Variants in PTPRG observed in about 807,000 individuals in gnomAD.
PTPRG encodes receptor-type tyrosine-protein phosphatase gamma.
In PTPRG, 102 loss-of-function variants were observed where a neutral mutation model predicts 165.3. The observed-to-expected ratio is 0.62, with a 90% CI of 0.53 to 0.73. The LOEUF (loss-of-function observed/expected upper bound fraction) is 0.73. Ranked by LOEUF, PTPRG falls within the 30% of genes least tolerant of loss-of-function variation. PTPRG has a pLI of 0.00. For synonymous variants in PTPRG, 675 were observed against 669.5 expected (o/e 1.01, Z -0.13); for missense variants, 1,866 against 1,861.4 (o/e 1.00, Z -0.05).
At chr3:62,259,404 T>C (rs542791548) in intron 16 of PTPRG, among the ~76,000 whole-genome samples, 26 of 151,922 alleles carry the variant, frequency 1.7e-4, no homozygotes, top group African/African-American at 5.8e-4. Context: ...AGCTAAAAAA[T>C]TGCAGGGAAA....
In PTPRG at chr3:62,252,956, A is replaced by G. The variant is rs1300187169; in HGVS notation, c.2468-2168A>G. On this transcript the variant is annotated intron_variant, in intron 15 of 29. Transcript: ENST00000474889. The surrounding 1 kb of genome is among the most constrained non-coding windows in gnomAD (Gnocchi z 4.6). The stretch of plus-strand genomic sequence containing the variant: ...GATAAAGATGCAAATTGGAGAGACT[A>G]GTGAGTCATATATTTCCATGATTAT... Among the ~76,000 whole-genome samples, 1 of 152,196 alleles carries G rather than the reference A, an allele frequency of 6.6e-6. No homozygotes were observed. Among genetic ancestry groups the G allele is most frequent in the Non-Finnish European group, 1.5e-5 (1 of 68,030 alleles).
Position 61,652,557 on chromosome 3 carries a change from C to G in PTPRG, c.85+90185C>G, listed in dbSNP as rs191056817. Among the ~76,000 whole-genome samples the G allele has an allele frequency of 9.0e-4, 137 of 152,112 alleles. 2 individuals carry two copies. In the East Asian group the frequency reaches 0.022, roughly 25 times the overall value. The stretch of plus-strand genomic sequence containing the variant: ...TCAGTGGAGCAAATGTTCCCCTTCT[C>G]TGCCCTTCTAGAACCTTGTTCCTCT... On this transcript the variant is annotated intron_variant, in intron 1 of 29. Coordinates refer to ENST00000474889, the MANE Select transcript of PTPRG (RefSeq NM_002841.4).
intron 2 of PTPRG, among the ~76,000 whole-genome samples, chr3:61,928,911 C>G (rs1444467010): frequency 6.6e-6 from 1 of 152,150 alleles, no homozygotes; most frequent in African/African-American, 2.4e-5. Flanking sequence ...TCCCCTACTC[C>G]TGGGGACATT....
intron 15 of PTPRG, among the ~76,000 whole-genome samples, chr3:62,248,572 A>G (rs1701342071): frequency 6.6e-6 from 1 of 152,166 alleles, no homozygotes; most frequent in Non-Finnish European, 1.5e-5. Context: ...TCTTTTGAAA[A>G]AACAAACTTG....
At chr3:61,842,322 A>G (rs2036660990) in intron 2 of PTPRG, among the ~76,000 whole-genome samples, 2 of 152,198 alleles carry the variant, frequency 1.3e-5, no homozygotes, top group African/African-American at 4.8e-5. Context: ...CAACACATAC[A>G]TGCACACTAC....
At chr3:61,657,969 C>T (rs1702553742) in intron 1 of PTPRG, among the ~76,000 whole-genome samples, 1 of 152,002 alleles carries the variant, frequency 6.6e-6, no homozygotes, top group African/African-American at 2.4e-5. Context: ...CATGAGTGTG[C>T]ATGTGGACAG....
intron 28 of PTPRG, among the ~76,000 whole-genome samples, chr3:62,285,536 G>GGGC (rs1702616661): frequency 1.6e-5 from 2 of 123,066 alleles, no homozygotes; most frequent in Admixed American, 8.5e-5. Flanking sequence ...GGGGGGGGGG[G>GGGC]TCTCAGGTGT....
At position 62,277,029 on chromosome 3, in the gene PTPRG, T is replaced by C. The variant is rs867091015; in HGVS notation, c.3617T>C (p.Ile1206Thr). The C allele has an allele frequency of 1.2e-6, 2 of 1,612,420 alleles. No homozygotes were observed. The highest frequency in any genetic ancestry group is 1.7e-6 in the Non-Finnish European group (2 of 1,178,864). ...CCTGGAATGAAAGGAACAGATTACA[T>C]TAATGCTTCTTATATCATGGTGAGA... is the stretch of plus-strand genomic sequence containing the variant. ...PLPGMKGTDY[I>T]NASYIMGYYR... is the part of the protein sequence containing the mutation. Residue 1206 changes from isoleucine to threonine, a missense_variant, in exon 25 of 30, where the codon ATT becomes ACT. Coordinates refer to ENST00000474889, the MANE Select transcript of PTPRG (RefSeq NM_002841.4).
At chr3:61,701,131 C>T (rs1349576515) in intron 1 of PTPRG, among the ~76,000 whole-genome samples, 1 of 152,158 alleles carries the variant, frequency 6.6e-6, no homozygotes, top group African/African-American at 2.4e-5. Context: ...CATATTTCTT[C>T]TTGTGTTTTC....
chr3:62,063,289 CT>C (rs1700881478), intron 4 of PTPRG, among the ~76,000 whole-genome samples: 1 of 152,204 alleles, frequency 6.6e-6, no homozygotes, highest in East Asian at 1.9e-4. Flanking sequence ...GGATTTTGAA[CT>C]ATGATCAAAG....
intron 7 of PTPRG, among the ~76,000 whole-genome samples, chr3:62,162,851 T>C (rs1218044314): frequency 6.6e-6 from 1 of 152,232 alleles, no homozygotes; most frequent in Non-Finnish European, 1.5e-5. Flanking sequence ...CCTGCTATTC[T>C]AAGCCTCACT....
chr3:61,925,390 T>C (rs2039182410), intron 2 of PTPRG, among the ~76,000 whole-genome samples: 1 of 152,176 alleles, frequency 6.6e-6, no homozygotes, highest in Non-Finnish European at 1.5e-5. Context: ...AAGCAGGAGC[T>C]GAGGGAAAAT....
intron 5 of PTPRG, among the ~76,000 whole-genome samples, chr3:62,120,605 GC>G (rs1162129617): frequency 2.0e-5 from 3 of 151,956 alleles, no homozygotes; most frequent in African/African-American, 7.3e-5. Flanking sequence ...ACAAAAATTA[GC>G]CAAGAATGGT....
rs140305272 is a variant in PTPRG at position 61,817,527 on chromosome 3, A to T, written c.190+68545A>T. Among the ~76,000 whole-genome samples the T allele has an allele frequency of 3.3e-5, 5 of 152,280 alleles. No individual in the cohort carries two copies. In the East Asian group the frequency reaches 9.6e-4, roughly 29 times the overall value. ...AATTCTTCCATGGAAAAATAAAGCA[A>T]CTAGGAAAGCTAAACTATAAACTCA... On this transcript the variant is annotated intron_variant, in intron 2 of 29. Coordinates refer to ENST00000474889, the MANE Select transcript of PTPRG (RefSeq NM_002841.4).
At chr3:61,597,947 T>C (rs1267870379) in intron 1 of PTPRG, among the ~76,000 whole-genome samples, 2 of 152,218 alleles carry the variant, frequency 1.3e-5, no homozygotes, top group African/African-American at 4.8e-5. Context: ...AAGGGTACAG[T>C]AGTTGCCACA....
chr3:62,168,777 C>T (rs1705097577), intron 8 of PTPRG, among the ~76,000 whole-genome samples: 1 of 152,180 alleles, frequency 6.6e-6, no homozygotes, highest in Non-Finnish European at 1.5e-5. Flanking sequence ...CGTCTGTGGA[C>T]AGCTTAAGTG....
chr3:62,108,564 A>G (rs574705725), intron 5 of PTPRG, among the ~76,000 whole-genome samples: 1 of 152,302 alleles, frequency 6.6e-6, no homozygotes, highest in East Asian at 1.9e-4. Flanking sequence ...ATGCCCAGTA[A>G]TGGGATTGCT....
intron 2 of PTPRG, among the ~76,000 whole-genome samples, chr3:61,903,920 A>G (rs1389673411): frequency 6.6e-6 from 1 of 152,086 alleles, no homozygotes; most frequent in Non-Finnish European, 1.5e-5. Context: ...TTTCCTTTTT[A>G]CATATGTCTG....
chr3:62,046,644 C>T (rs370424615), intron 4 of PTPRG, among the ~76,000 whole-genome samples: 1 of 152,132 alleles, frequency 6.6e-6, no homozygotes, highest in Non-Finnish European at 1.5e-5. Flanking sequence ...CTTACTGTCT[C>T]TCATCATTAG....
Sources: allele counts gnomAD v4.1 joint callset (sites outside exome capture counted in the v4.1 genomes callset), GRCh38; gene constraint gnomAD v4.1.1; non-coding constraint Gnocchi (gnomAD v3.1); transcripts MANE v1.5; gene names NCBI Gene and HGNC (gene_info 2026-07-23, HGNC 2026-07-21).